Variants in GTPBP10 observed in about 807,000 individuals in gnomAD.
The protein encoded by GTPBP10 is GTP binding protein 10.
In GTPBP10, 38 loss-of-function variants were observed where a neutral mutation model predicts 44.8. The observed-to-expected ratio is 0.85, with a 90% CI of 0.65 to 1.11. The LOEUF is 1.11. GTPBP10 is among the 50% of genes most tolerant of loss of function. The pLI is 0.00. For missense variants in GTPBP10, 462 were observed against 453.7 expected (o/e 1.02, Z -0.17); for synonymous variants, 152 against 150.6 (o/e 1.01, Z -0.07).
At chr7:90,367,334 A>G (rs1178804075) in intron 4 of GTPBP10, among the ~76,000 whole-genome samples, 1 of 152,184 alleles carries the variant, frequency 6.6e-6, no homozygotes, top group Non-Finnish European at 1.5e-5. Context: ...AGTCCTTGAT[A>G]TCCTTGTTAA....
At chr7:90,377,226 A>AAAT (rs986827294) in intron 6 of GTPBP10, among the ~76,000 whole-genome samples, 2 of 152,172 alleles carry the variant, frequency 1.3e-5, no homozygotes, top group African/African-American at 4.8e-5. Context: ...CCTGTCTCTA[A>AAAT]AATAATAATA....
At chr7:90,364,486 C>A (rs1358305739) in intron 4 of GTPBP10, among the ~76,000 whole-genome samples, 1 of 152,196 alleles carries the variant, frequency 6.6e-6, no homozygotes, top group African/African-American at 2.4e-5. Context: ...CCTGATCGTT[C>A]CTCTGGAAGC....
At position 90,387,647 on chromosome 7, in the gene GTPBP10, G is replaced by T. The variant is rs1489576488; in HGVS notation, c.*2493G>T. ...TTTCTTCATTGCTGATGTATTTATTGAGCAATGTCCTGTATCAGGCACTGT... is the reference window on the plus strand; with the variant it reads ...TTTCTTCATTGCTGATGTATTTATTTAGCAATGTCCTGTATCAGGCACTGT... On this transcript the variant is annotated 3_prime_UTR_variant, in exon 10 of 10. Transcript: ENST00000222511. 3 of 151,784 alleles carry T rather than the reference G, an allele frequency of 2.0e-5. No homozygotes were observed. Among genetic ancestry groups the T allele is most frequent in the African/African-American group, 7.3e-5 (3 of 41,260 alleles). The allele number at this position is 151,784 out of a possible 1,614,324, so 9.4% of individuals were successfully genotyped here.
At chr7:90,368,454 G>T (rs1004554293) in intron 4 of GTPBP10, among the ~76,000 whole-genome samples, 2 of 152,072 alleles carry the variant, frequency 1.3e-5, no homozygotes, top group Admixed American at 6.5e-5. Context: ...TTTTCACATA[G>T]TCCCATATTT....
At chr7:90,357,688 C>T (rs989174715) in intron 4 of GTPBP10, among the ~76,000 whole-genome samples, 9 of 151,988 alleles carry the variant, frequency 5.9e-5, no homozygotes, top group East Asian at 1.9e-4. Flanking sequence ...TTGCCTGATA[C>T]GAAGTCAGTG....
chr7:90,348,231 T>G (rs1181599852), intron 1 of GTPBP10, among the ~76,000 whole-genome samples: 2 of 151,930 alleles, frequency 1.3e-5, no homozygotes, highest in Admixed American at 1.3e-4. Context: ...AAAAAGAAAA[T>G]AAAAGATACC....
intron 4 of GTPBP10, among the ~76,000 whole-genome samples, chr7:90,360,094 G>C (rs1795984625): frequency 6.6e-6 from 1 of 152,020 alleles, no homozygotes; most frequent in African/African-American, 2.4e-5. Context: ...TAGGTTGCCT[G>C]TTCACTCCGA....
chr7:90,369,972 G>A (rs376580981), intron 4 of GTPBP10, among the ~76,000 whole-genome samples: 4 of 152,120 alleles, frequency 2.6e-5, no homozygotes, highest in East Asian at 1.9e-4. Flanking sequence ...TTACAAAGAC[G>A]TACAGAGTGT....
At chr7:90,371,202 C>G (rs1796251390) in intron 4 of GTPBP10, 1 of 974,420 alleles carries the variant, frequency 1.0e-6, no homozygotes, top group Non-Finnish European at 1.2e-6. Context: ...CCAGAGATGA[C>G]TATTAACAGT....
intron 5 of GTPBP10, among the ~76,000 whole-genome samples, 172 bp downstream of exon 5, chr7:90,372,400 T>TG (rs113922305): frequency 0.016 from 2,315 of 147,874 alleles, 56 homozygotes; most frequent in African/African-American, 0.054. Flanking sequence ...CATGGCTCAC[T>TG]GCAGCCCAGG....
chr7:90,366,598 G>A (rs1339203725), intron 4 of GTPBP10, among the ~76,000 whole-genome samples: 2 of 151,896 alleles, frequency 1.3e-5, no homozygotes, highest in African/African-American at 2.4e-5. Context: ...ATGGTAATTT[G>A]TATTTCTGTG....
intron 4 of GTPBP10, among the ~76,000 whole-genome samples, chr7:90,365,852 AG>A: frequency 6.6e-6 from 1 of 152,342 alleles, no homozygotes; most frequent in East Asian, 1.9e-4. Context: ...CAGTTTTCAA[AG>A]GGAATGCTTC....
chr7:90,363,895 T>A (rs573516153), intron 4 of GTPBP10, among the ~76,000 whole-genome samples: 2 of 152,368 alleles, frequency 1.3e-5, no homozygotes, highest in South Asian at 2.1e-4. Context: ...TAATCTTCAG[T>A]CACTGATACC....
chr7:90,380,117 C>T (rs933902992), intron 8 of GTPBP10, among the ~76,000 whole-genome samples: 6 of 126,932 alleles, frequency 4.7e-5, no homozygotes, highest in Admixed American at 1.0e-4. Flanking sequence ...CTCACTCTGT[C>T]GCCTGGGCTG....
chr7:90,379,260 T>A (rs1355018671), intron 8 of GTPBP10, among the ~76,000 whole-genome samples: 1 of 152,166 alleles, frequency 6.6e-6, no homozygotes, highest in Non-Finnish European at 1.5e-5. Flanking sequence ...GCCCTTCTTA[T>A]TGGAATATTG....
At chr7:90,374,274 C>T (rs994769500) in intron 5 of GTPBP10, 28 bp from the exon 6 acceptor site, 5 of 1,493,462 alleles carry the variant, frequency 3.3e-6, no homozygotes, top group Admixed American at 1.7e-5. Flanking sequence ...AAATTCTAGC[C>T]TTAATTTATT....
chr7:90,372,356 T>G (rs186296882), intron 5 of GTPBP10, 128 bp downstream of exon 5: 1 of 627,718 alleles, frequency 1.6e-6, no homozygotes, highest in Non-Finnish European at 2.8e-6. Flanking sequence ...GCAGATAGAC[T>G]ACTGTTGCAC....
intron 4 of GTPBP10, among the ~76,000 whole-genome samples, chr7:90,358,979 C>T (rs1263729656): frequency 1.3e-5 from 2 of 151,996 alleles, no homozygotes; most frequent in Non-Finnish European, 2.9e-5. Flanking sequence ...ATGGCCAATA[C>T]GCATATAAGA....
Position 90,387,701 on chromosome 7 carries a change from A to T in GTPBP10, c.*2547A>T, listed in dbSNP as rs539340489. On this transcript the variant is annotated 3_prime_UTR_variant, in exon 10 of 10. Transcript: ENST00000222511. Reference sequence around the variant, plus strand: ...AGGTGCTGTATGTGCCATGTTGAAGAGAACAGACAGGACCTACTGTCCTTG... The same window carrying T: ...AGGTGCTGTATGTGCCATGTTGAAGTGAACAGACAGGACCTACTGTCCTTG... The T allele has an allele frequency of 1.3e-5, 2 of 152,352 alleles. No individual in the cohort carries two copies. Among genetic ancestry groups the T allele is most frequent in the African/African-American group, 4.8e-5 (2 of 41,568 alleles). 9.4% of individuals were successfully genotyped at this position (152,352 alleles called of 1,614,324 possible). A position where few individuals can be genotyped will look rare whatever the true frequency, so the allele number is the denominator to read the frequency against.
Sources: allele counts gnomAD v4.1 joint callset (sites outside exome capture counted in the v4.1 genomes callset), GRCh38; gene constraint gnomAD v4.1.1; transcripts MANE v1.5; gene names NCBI Gene and HGNC (gene_info 2026-07-23, HGNC 2026-07-21).